KIF13A: variants seen among roughly 807,000 people sequenced by gnomAD.
The protein encoded by KIF13A is kinesin family member 13A, also known as kinesin-like protein KIF13A.
Under a neutral mutation model 212.2 loss-of-function variants are expected in KIF13A, and 79 were observed. That is an observed-to-expected ratio of 0.37 (90% CI 0.31 to 0.45). The LOEUF is 0.45. Among genes scored for constraint, KIF13A ranks in the 20% least tolerant of loss-of-function variants. The pLI is 1.00. For missense variants in KIF13A, 1,901 were observed against 2,209.0 expected (o/e 0.86, Z 2.79); for synonymous variants, 789 against 808.6 (o/e 0.98, Z 0.41).
downstream of KIF13A, chr6:17,760,945 C>T (rs944976795): frequency 6.5e-6 from 10 of 1,531,978 alleles, no homozygotes; most frequent in Non-Finnish European, 7.2e-6. Flanking sequence ...ACAGCACCTA[C>T]TCTCAGCCCA....
At position 17,787,478 on chromosome 6, in the gene KIF13A, C is replaced by T. The variant is rs1173598530; in HGVS notation, c.3361+298G>A. Among the ~76,000 whole-genome samples, 1 of 152,094 alleles carries T rather than the reference C, an allele frequency of 6.6e-6. No homozygotes were observed. The highest frequency in any genetic ancestry group is 1.5e-5 in the Non-Finnish European group (1 of 68,020). Reference sequence around the variant, plus strand: ...GACCAGCCTGGGCAACAAAGTGAGACCCCATCTACAAAACATTTAAAAATG... The same window carrying T: ...GACCAGCCTGGGCAACAAAGTGAGATCCCATCTACAAAACATTTAAAAATG... On this transcript the variant is annotated intron_variant, in intron 27 of 38. Transcript: ENST00000259711. The surrounding 1 kb of genome is among the most constrained non-coding windows in gnomAD (Gnocchi z 4.6).
At position 17,919,605 on chromosome 6, in the gene KIF13A, T is replaced by G. The variant is rs1774865111; in HGVS notation, c.147-21425A>C. Among the ~76,000 whole-genome samples the G allele has an allele frequency of 6.6e-6, 1 of 152,202 alleles. No homozygotes were observed. The highest frequency in any genetic ancestry group is 6.5e-5 in the Admixed American group (1 of 15,286). On this transcript the variant is annotated intron_variant, in intron 2 of 38. Transcript: ENST00000259711. This position sits in a 1 kb window ranked among gnomAD's most constrained non-coding sequence, Gnocchi z 4.1. ...GGGTCAGCCATGTCTCCACTCCTAA[T>G]GCACTCAGTGGCTGCTTTACCTACC...
chr6:17,828,170 A>G lies in KIF13A; in HGVS notation c.1532+70T>C, dbSNP rs1028400252. On this transcript the variant is annotated intron_variant, in intron 14 of 38. Coordinates refer to ENST00000259711, the MANE Select transcript of KIF13A (RefSeq NM_022113.6). The surrounding 1 kb of genome is among the most constrained non-coding windows in gnomAD (Gnocchi z 4.3). ...CTTTAATATAGCTGAAAGCAAACAGAAAGAGGCAGCCTTCTCCTTCTGAAA... is the reference window on the plus strand; with the variant it reads ...CTTTAATATAGCTGAAAGCAAACAGGAAGAGGCAGCCTTCTCCTTCTGAAA... The G allele has an allele frequency of 1.3e-6, 2 of 1,500,678 alleles. No homozygotes were observed. Among genetic ancestry groups the G allele is most frequent in the Non-Finnish European group, 1.8e-6 (2 of 1,107,488 alleles). The allele number at this position is 1,500,678 out of a possible 1,614,324, so 93.0% of individuals were successfully genotyped here.
chr6:17,879,136 T>C (rs554326935), intron 3 of KIF13A, among the ~76,000 whole-genome samples: 1 of 152,314 alleles, frequency 6.6e-6, no homozygotes, highest in South Asian at 2.1e-4. Flanking sequence ...CCCAATCCCC[T>C]TTCCCTCCTA....
chr6:17,962,093 A>G (rs1361394105), intron 2 of KIF13A, among the ~76,000 whole-genome samples: 4 of 152,000 alleles, frequency 2.6e-5, no homozygotes, highest in Non-Finnish European at 5.9e-5. Flanking sequence ...TTAGGAGGCC[A>G]AGGCGCGTGG....
At chr6:17,930,631 C>T (rs1231741300) in intron 2 of KIF13A, among the ~76,000 whole-genome samples, 1 of 152,160 alleles carries the variant, frequency 6.6e-6, no homozygotes. Flanking sequence ...GGATTTGCCA[C>T]ACTTTGCCAT....
chr6:17,980,613 G>C (rs1220443889), intron 2 of KIF13A, among the ~76,000 whole-genome samples: 1 of 152,096 alleles, frequency 6.6e-6, no homozygotes, highest in Non-Finnish European at 1.5e-5. Context: ...ATTTCGGGAA[G>C]TGGCAGAGAG....
intron 4 of KIF13A, among the ~76,000 whole-genome samples, chr6:17,863,376 T>C (rs1027385744): frequency 6.6e-6 from 1 of 151,706 alleles, no homozygotes; most frequent in Non-Finnish European, 1.5e-5. Context: ...TACTTTCTTT[T>C]TTTTTTTTTA....
At position 17,883,726 on chromosome 6, in the gene KIF13A, T is replaced by C. The variant is rs142773812; in HGVS notation, c.160-10289A>G. On this transcript the variant is annotated intron_variant, in intron 3 of 38. Coordinates refer to ENST00000259711, the MANE Select transcript of KIF13A (RefSeq NM_022113.6). The surrounding 1 kb of genome is among the most constrained non-coding windows in gnomAD (Gnocchi z 4.8). ...ATGATCAAGAAATCCTTTGGGTATA[T>C]TGAACACAGTGAGATGTCTAGGGAA... Among the ~76,000 whole-genome samples, 253 of 152,276 alleles carry C rather than the reference T, an allele frequency of 1.7e-3. 2 individuals carry two copies. Among genetic ancestry groups the C allele is most frequent in the African/African-American group, 5.4e-3 (226 of 41,546 alleles).
intron 28 of KIF13A, among the ~76,000 whole-genome samples, chr6:17,784,214 G>A (rs114655353): frequency 6.6e-6 from 1 of 152,246 alleles, no homozygotes; most frequent in African/African-American, 2.4e-5. Flanking sequence ...GAGGACTGGA[G>A]TTCAAGACCA....
intron 2 of KIF13A, among the ~76,000 whole-genome samples, chr6:17,952,879 G>A (rs533998606): frequency 6.6e-6 from 1 of 151,380 alleles, no homozygotes; most frequent in East Asian, 2.0e-4. Context: ...GCAGTGAGCC[G>A]AGATAGCGCC....
intron 2 of KIF13A, among the ~76,000 whole-genome samples, chr6:17,975,956 T>C (rs1289788080): frequency 3.5e-5 from 5 of 142,818 alleles, no homozygotes; most frequent in Non-Finnish European, 6.1e-5. Context: ...CCAGAGTAGC[T>C]AGATACAGTG....
chr6:17,761,079 T>C (rs947165531), downstream of KIF13A, among the ~76,000 whole-genome samples: 4 of 152,140 alleles, frequency 2.6e-5, no homozygotes, highest in Admixed American at 2.6e-4. Context: ...GGAAAAGTAA[T>C]GACAGCAACA....
intron 2 of KIF13A, among the ~76,000 whole-genome samples, chr6:17,911,671 G>A (rs1225705734): frequency 6.9e-6 from 1 of 145,050 alleles, no homozygotes; most frequent in Non-Finnish European, 1.5e-5. Context: ...TGGGCCGGGG[G>A]TTGTGGCGGG....
rs1365279043 is a variant in KIF13A at position 17,912,274 on chromosome 6, G to A, written c.147-14094C>T. Among the ~76,000 whole-genome samples, 2 of 151,842 alleles carry A rather than the reference G, an allele frequency of 1.3e-5. No individual in the cohort carries two copies. The highest frequency in any genetic ancestry group is 2.9e-5 in the Non-Finnish European group (2 of 67,998). On this transcript the variant is annotated intron_variant, in intron 2 of 38. Coordinates refer to ENST00000259711, the MANE Select transcript of KIF13A (RefSeq NM_022113.6). This position sits in a 1 kb window ranked among gnomAD's most constrained non-coding sequence, Gnocchi z 4.2. ...ATTAGAAGTTAAAAAAAAAATACAA[G>A]CTTTCTTTTGCAACTGAGGTACCAT...
intron 4 of KIF13A, among the ~76,000 whole-genome samples, chr6:17,866,491 T>A (rs1465304884): frequency 6.6e-6 from 1 of 152,136 alleles, no homozygotes; most frequent in Non-Finnish European, 1.5e-5. Context: ...CATTTACCAA[T>A]GCTTTCAGTG....
intron 16 of KIF13A, among the ~76,000 whole-genome samples, chr6:17,824,772 A>C (rs1229099503): frequency 4.7e-5 from 7 of 147,788 alleles, no homozygotes; most frequent in South Asian, 2.1e-4. Context: ...AAAAAAAAAA[A>C]AAAAAAAACA....
intron 2 of KIF13A, among the ~76,000 whole-genome samples, chr6:17,929,059 C>CAAAA (rs375511285): frequency 0.022 from 787 of 36,302 alleles, 17 homozygotes; most frequent in African/African-American, 0.056. Context: ...AAGAATTTCT[C>CAAAA]AAAAAAAAAA....
chr6:17,782,973 C>T (rs1581907520), intron 29 of KIF13A, among the ~76,000 whole-genome samples: 2 of 152,202 alleles, frequency 1.3e-5, no homozygotes, highest in South Asian at 2.1e-4. Flanking sequence ...AAATTCTTCA[C>T]ATGAAGAGCC....
Sources: allele counts gnomAD v4.1 joint callset (sites outside exome capture counted in the v4.1 genomes callset), GRCh38; gene constraint gnomAD v4.1.1; non-coding constraint Gnocchi (gnomAD v3.1); transcripts MANE v1.5; gene names NCBI Gene and HGNC (gene_info 2026-07-23, HGNC 2026-07-21).